NEB: variants seen among roughly 807,000 people sequenced by gnomAD.
NEB encodes nemaline myopathy type 2.
Under a neutral mutation model 952.2 loss-of-function variants are expected in NEB, and 512 were observed. The observed-to-expected ratio is 0.54, with a 90% CI of 0.50 to 0.58. The LOEUF is 0.58. Among genes scored for constraint, NEB ranks in the 20% least tolerant of loss-of-function variants. NEB has a pLI of 0.00. For synonymous variants in NEB, 2,900 were observed against 3,149.8 expected (o/e 0.92, Z 2.66); for missense variants, 8,428 against 9,231.1 (o/e 0.91, Z 3.56).
chr2:151,672,423 T>C lies in NEB; in HGVS notation c.4245A>G (p.Leu1415=), dbSNP rs1054476840. 2 of 1,612,976 alleles carry C rather than the reference T, an allele frequency of 1.2e-6. No individual in the cohort carries two copies. The highest frequency in any genetic ancestry group is 2.7e-5 in the African/African-American group (2 of 74,896). The change falls in exon 37 of 182, where the codon CTA becomes CTG. Residue 1415 remains leucine (L), a synonymous_variant. Transcript: ENST00000397345. The part of the protein sequence containing the change: ...YKQPLHHYTY[L]PDAMSLEHTR... ...TATGCTCAAGACTCATGGCGTCAGG[T>C]AGGTATGTGTAATGATGCAATGGCT...
At position 151,609,865 on chromosome 2, in the gene NEB, T is replaced by C. The variant is rs771158409; in HGVS notation, c.12274A>G (p.Met4092Val). The C allele has an allele frequency of 2.5e-6, 4 of 1,611,700 alleles. No homozygotes were observed. The highest frequency in any genetic ancestry group is 3.3e-5 in the Admixed American group (2 of 59,984). The change falls in exon 81 of 182, where the codon ATG (methionine) becomes GTG (valine). Residue 4092 changes from methionine (M) to valine (V), a missense_variant. Coordinates refer to ENST00000397345, the MANE Select transcript of NEB (RefSeq NM_001164508.2). ...TGGATAATGTCGTTTTGATCCGGCA[T>C]GCATGTCCATTCATGCAGGTAATTG... ...YRNYLHEWTC[M>V]PDQNDIIQAK...
rs1323364980 is a variant in NEB at position 151,498,295 on chromosome 2, G to T, written c.24172C>A (p.Gln8058Lys). ...GIPIPITPEM[Q>K]RVKHNQENLS... ...TTTTCTTGATTGTGTTTGACTCTCT[G>T]CATCTCAGGAGTGATGGGGATTGGA... Residue 8058 changes from glutamine (Q) to lysine (K), a missense_variant, in exon 170 of 182, where the codon CAG becomes AAG. Gln to Lys is a moderately conservative substitution (Grantham distance 53). Coordinates refer to ENST00000397345, the MANE Select transcript of NEB (RefSeq NM_001164508.2). The T allele has an allele frequency of 1.3e-6, 2 of 1,551,388 alleles. No homozygotes were observed. Among genetic ancestry groups the T allele is most frequent in the Non-Finnish European group, 1.7e-6 (2 of 1,146,824 alleles).
At chr2:151,649,072 T>C (rs766166333) in intron 54 of NEB, among the ~76,000 whole-genome samples, 3 of 152,178 alleles carry the variant, frequency 2.0e-5, no homozygotes, top group Non-Finnish European at 4.4e-5. Flanking sequence ...TAAGTTCAGA[T>C]CTTTTTATCT....
At chr2:151,527,863 T>C (rs10930688) in intron 146 of NEB, among the ~76,000 whole-genome samples, 94,211 of 152,022 alleles carry the variant, frequency 0.62, 29,746 homozygotes, top group East Asian at 0.78. Flanking sequence ...CAGTCCAGCC[T>C]AATCATCTTC....
chr2:151,665,651 T>C (rs1461150493), intron 41 of NEB, 112 bp from the exon 42 acceptor site: 2 of 895,186 alleles, frequency 2.2e-6, no homozygotes, highest in East Asian at 2.7e-5. Flanking sequence ...AGGGGGAGAA[T>C]AATCTGCTTT....
rs531888998 is a variant in NEB at position 151,648,280 on chromosome 2, T to C, written c.7431+1896A>G. On this transcript the variant is annotated intron_variant, in intron 54 of 181. Transcript: ENST00000397345. ...GTATGCAGCATGAGATGTGTGTGTC[T>C]GGCACTTTTCTTTTTCCTGCACATG... Among the ~76,000 whole-genome samples, 14 of 152,302 alleles carry C rather than the reference T, an allele frequency of 9.2e-5. 1 individual carries two copies. In the South Asian group the frequency reaches 2.7e-3, roughly 29 times the overall value.
At chr2:151,613,125 C>A (rs2098062790) in intron 77 of NEB, among the ~76,000 whole-genome samples, 1 of 151,990 alleles carries the variant, frequency 6.6e-6, no homozygotes, top group Non-Finnish European at 1.5e-5. Flanking sequence ...ATCATTCTTC[C>A]AAAAGTGCTT....
chr2:151,499,887 G>A (rs1429987991), intron 168 of NEB, among the ~76,000 whole-genome samples: 2 of 152,132 alleles, frequency 1.3e-5, no homozygotes, highest in Non-Finnish European at 2.9e-5. Context: ...ATTTTCCACA[G>A]TATCTAATAG....
At chr2:151,566,120 G>A (rs1443077604) in intron 114 of NEB, among the ~76,000 whole-genome samples, 1 of 152,094 alleles carries the variant, frequency 6.6e-6, no homozygotes, top group East Asian at 1.9e-4. Context: ...TGAGGGGAAG[G>A]GGCTGTTATT....
At position 151,709,867 on chromosome 2, in the gene NEB, G is replaced by T. The variant is rs969563206; in HGVS notation, c.928-104C>A. 1.2e-5 allele frequency: 10 copies of T among 818,204 alleles called. No individual in the cohort carries two copies. In the African/African-American group the frequency reaches 1.7e-4, roughly 14 times the overall value. 50.7% of individuals were successfully genotyped at this position (818,204 alleles called of 1,614,324 possible). ...TGGAAAAGTTACACAATGCCACCCT[G>T]TCCTTGGTTTAGGCTGGTCAGATTA... On this transcript the variant is annotated intron_variant, in intron 11 of 181. Coordinates refer to ENST00000397345, the MANE Select transcript of NEB (RefSeq NM_001164508.2).
In NEB at chr2:151,694,417, T is replaced by C; in HGVS notation, c.1802A>G (p.Tyr601Cys). The change falls in exon 20 of 182, where the codon TAT becomes TGT. Residue 601 changes from tyrosine (Y) to cysteine (C), a missense_variant. Physicochemically the swap from Tyr to Cys is radical, Grantham distance 194 (BLOSUM62 -2). Transcript: ENST00000397345. Reference protein sequence around the residue: ...NTSDVMYKKDYEKNKGKMIGV... With the variant: ...NTSDVMYKKDCEKNKGKMIGV... ...AATCATTTTCCCTTTGTTTTTTTCA[T>C]AGTCTTTCTTGTACATCACCTGCAA... 6.2e-7 allele frequency: 1 copy of C among 1,613,902 alleles called. No individual in the cohort carries two copies. The highest frequency in any genetic ancestry group is 8.5e-7 in the Non-Finnish European group (1 of 1,179,828).
intron 135 of NEB, among the ~76,000 whole-genome samples, chr2:151,545,523 C>T (rs749543184): frequency 2.0e-5 from 3 of 151,578 alleles, no homozygotes; most frequent in Non-Finnish European, 4.4e-5. Context: ...TGCAGTGAGC[C>T]GAGATTGCGC....
chr2:151,685,684 T>G (rs937416998), intron 27 of NEB, among the ~76,000 whole-genome samples: 4 of 152,206 alleles, frequency 2.6e-5, no homozygotes, highest in African/African-American at 9.6e-5. Context: ...ACTCCCTTCA[T>G]TGTCTGGTTT....
Position 151,567,446 on chromosome 2 carries a change from C to A in NEB, c.17878G>T (p.Gly5960Cys), listed in dbSNP as rs1055815976. 9 of 1,612,638 alleles carry A rather than the reference C, an allele frequency of 5.6e-6. No homozygotes were observed. Among genetic ancestry groups the A allele is most frequent in the Non-Finnish European group, 7.6e-6 (9 of 1,179,288 alleles). The change falls in exon 114 of 182, where the codon GGT becomes TGT. Residue 5960 changes from glycine to cysteine, a missense_variant. By Grantham distance (159) the Gly-to-Cys change is radical. Transcript: ENST00000397345. Reference protein sequence around the residue: ...KYKAEHVKQKGHYVGVPTMRD... With the variant: ...KYKAEHVKQKCHYVGVPTMRD... ...ATCGTCGGGACACCAACATAATGACCTTTTTGCTTCACATGTTCAGCTTTG... is the reference window on the plus strand; with the variant it reads ...ATCGTCGGGACACCAACATAATGACATTTTTGCTTCACATGTTCAGCTTTG...
At chr2:151,551,114 T>C (rs2095304972) in intron 129 of NEB, among the ~76,000 whole-genome samples, 1 of 151,908 alleles carries the variant, frequency 6.6e-6, no homozygotes, top group Admixed American at 6.6e-5. Context: ...ATTACAGGCA[T>C]GCACTGCCAT....
chr2:151,562,667 G>C lies in NEB; in HGVS notation c.18835C>G (p.Leu6279Val). The change falls in exon 120 of 182, where the codon CTT becomes GTT. Residue 6279 changes from leucine (L) to valine (V), a missense_variant. Leu to Val is a conservative substitution (Grantham distance 32). Transcript: ENST00000397345. ...YRHYFHQWTS[L>V]LEEPNVIRVR... ...CGTATAACATTGGGTTCTTCCAGAA[G>C]AGACGTCCACTGGTGGAAATAGTGT... 1 of 1,599,444 alleles carries C rather than the reference G, an allele frequency of 6.3e-7. No homozygotes were observed. Among genetic ancestry groups the C allele is most frequent in the Non-Finnish European group, 8.6e-7 (1 of 1,168,814 alleles).
chr2:151,697,224 T>C lies in NEB; in HGVS notation c.1394A>G (p.Asp465Gly), dbSNP rs767080005. ...DKNYKAEYEE[D>G]RGKGFFPQTI... is the part of the protein sequence containing the mutation. The stretch of plus-strand genomic sequence containing the variant: ...CTGAGGGAAGAAGCCTTTGCCTCTG[T>C]CTTCTTCGTATTCTGCTTTGTAGTT... Residue 465 changes from aspartate to glycine, a missense_variant, in exon 16 of 182, where the codon GAC (aspartate) becomes GGC (glycine). By Grantham distance (94) the Asp-to-Gly change is moderately conservative. Around this residue, in one of 11 missense-constraint regions of NEB, gnomAD observed 2,851 missense variants for 2,791.5 expected, o/e 1.02. Transcript: ENST00000397345. 10 of 1,613,764 alleles carry C rather than the reference T, an allele frequency of 6.2e-6. No individual in the cohort carries two copies. The African/African-American group carries it at 1.1e-4, about 17-fold the overall frequency.
Position 151,512,772 on chromosome 2 carries a change from C to T in NEB, c.23307G>A (p.Glu7769=), listed in dbSNP as rs1047502171. Residue 7769 remains glutamate (E), a synonymous_variant, in exon 161 of 182, where the codon GAG becomes GAA. Transcript: ENST00000397345. ...ANFTSVVDTP[E]IIHAQQVKNL... is the part of the protein sequence containing the mutation. ...TCTTGACTTGTTGGGCATGAATGAT[C>T]TCTGGAGTATCAACCACAGAAGTGA... The T allele has an allele frequency of 1.9e-6, 3 of 1,613,792 alleles. No individual in the cohort carries two copies. In the African/African-American group the frequency reaches 4.0e-5, roughly 22 times the overall value.
intron 138 of NEB, among the ~76,000 whole-genome samples, chr2:151,538,865 A>G (rs971184070): frequency 6.6e-6 from 1 of 152,220 alleles, no homozygotes; most frequent in Non-Finnish European, 1.5e-5. Flanking sequence ...TCTAATCTAC[A>G]CAAGATGGGT....
Sources: gnomAD v4.1 joint callset for allele counts (sites outside exome capture counted in the v4.1 genomes callset) on GRCh38, gnomAD v4.1.1 for gene constraint, gnomAD v4.1.1 regional missense constraint, MANE v1.5 for transcripts, NCBI Gene and HGNC (gene_info 2026-07-23, HGNC 2026-07-21) for gene names.